ZNF701: variants seen among roughly 807,000 people sequenced by gnomAD.
The protein encoded by ZNF701 is zinc finger protein 701.
In ZNF701, 6 loss-of-function variants were observed where a neutral mutation model predicts 7.1. That is an observed-to-expected ratio of 0.84 (90% CI 0.46 to 1.66). The LOEUF is 1.66. ZNF701 is among the 40% of genes most tolerant of loss of function. The pLI is 0.01. For synonymous variants in ZNF701, 166 were observed against 188.2 expected, an observed-to-expected ratio of 0.88 and a Z score of 0.97; for missense variants, 541 against 559.2, an observed-to-expected ratio of 0.97 and a Z score of 0.33.
intron 3 of ZNF701, 89 bp from the exon 4 acceptor site, chr19:52,582,113 A>T (rs1237508719): frequency 8.5e-7 from 1 of 1,172,060 alleles, no homozygotes; most frequent in African/African-American, 1.6e-5. Context: ...GTTTAAAATA[A>T]GTATTGTTTT....
intron 1 of ZNF701, chr19:52,572,411 A>G: frequency 3.9e-6 from 5 of 1,281,376 alleles, no homozygotes; most frequent in Non-Finnish European, 5.1e-6. Context: ...TATAAATGTT[A>G]CTGTAATTTT....
At chr19:52,594,982 T>C in the ZNF701 span, among the ~76,000 whole-genome samples, 75 of 152,004 alleles carry the variant, frequency 4.9e-4, no homozygotes, top group African/African-American at 1.8e-3. Flanking sequence ...GGCTCTTGAC[T>C]GAACTCTTTT....
At chr19:52,587,500 G>C (rs1416388711), downstream of ZNF701, among the ~76,000 whole-genome samples, 1 of 152,108 alleles carries the variant, frequency 6.6e-6, no homozygotes. Flanking sequence ...CTAAGTCTTT[G>C]TTCTGATATT....
intron 2 of ZNF701, 102 bp downstream of exon 2, chr19:52,574,264 G>C: frequency 1.3e-6 from 2 of 1,540,786 alleles, no homozygotes; most frequent in Non-Finnish European, 1.8e-6. Flanking sequence ...CTGCCTGACA[G>C]GTTTGCTCAC....
At chr19:52,591,112 A>G (rs1286424220), downstream of ZNF701, among the ~76,000 whole-genome samples, 1 of 152,072 alleles carries the variant, frequency 6.6e-6, no homozygotes, top group Non-Finnish European at 1.5e-5. Flanking sequence ...TGCTGGGATT[A>G]TAGGTGTGAG....
In ZNF701 at chr19:52,583,790, C is replaced by T; in HGVS notation, c.*333C>T. ...CAATCCATGGTATAGGGAAACTTGA[C>T]TAATGTAATGATTGTCACAAAGTCT... On this transcript the variant is annotated 3_prime_UTR_variant, in exon 4 of 4. Coordinates refer to ENST00000391785, the MANE Select transcript of ZNF701 (RefSeq NM_018260.3). 10 of 622,074 alleles carry T rather than the reference C, an allele frequency of 1.6e-5. 1 individual carries two copies. The South Asian group carries it at 1.7e-4, about 11-fold the overall frequency. The allele number at this position is 622,074 out of a possible 1,614,324, so 38.5% of individuals were successfully genotyped here. A position where few individuals can be genotyped will look rare whatever the true frequency, so the allele number is the denominator to read the frequency against.
intron 3 of ZNF701, among the ~76,000 whole-genome samples, chr19:52,576,728 C>T (rs938634991): frequency 4.6e-5 from 7 of 152,042 alleles, no homozygotes; most frequent in African/African-American, 1.7e-4. Flanking sequence ...TTTCCTAGAT[C>T]CACCTGTAAT....
intron 3 of ZNF701, among the ~76,000 whole-genome samples, chr19:52,577,237 C>G (rs1265826907): frequency 6.6e-6 from 1 of 152,080 alleles, no homozygotes; most frequent in Non-Finnish European, 1.5e-5. Context: ...GTAGCTGGGA[C>G]TGTAGGCGCT....
At position 52,583,218 on chromosome 19, in the gene ZNF701, T is replaced by C. The variant is rs1316774406; in HGVS notation, c.1159T>C (p.Cys387Arg). Reference protein sequence around the residue: ...TGEKPYKCNECGKTFVQNSSL... With the variant: ...TGEKPYKCNERGKTFVQNSSL... ...AGAGAAACCTTACAAGTGTAATGAG[T>C]GTGGCAAGACCTTTGTTCAAAATTC... The change falls in exon 4 of 4, where the codon TGT becomes CGT. Residue 387 changes from cysteine to arginine, a missense_variant. By Grantham distance (180) the Cys-to-Arg change is radical (BLOSUM62 -3). Transcript: ENST00000391785. The C allele has an allele frequency of 2.5e-6, 4 of 1,610,384 alleles. No homozygotes were observed. Among genetic ancestry groups the C allele is most frequent in the Non-Finnish European group, 3.4e-6 (4 of 1,177,222 alleles).
At chr19:52,597,111 A>G in the ZNF701 span, 1 of 967,618 alleles carries the variant, frequency 1.0e-6, no homozygotes, top group Middle Eastern at 2.3e-4. Context: ...ATGTGGTAAA[A>G]TTTTCAGACA....
rs778058258 is a variant in ZNF701 at position 52,583,057 on chromosome 19, A to G, written c.998A>G (p.Lys333Arg). 4.3e-6 allele frequency: 7 copies of G among 1,613,840 alleles called. No homozygotes were observed. The highest frequency in any genetic ancestry group is 4.5e-5 in the East Asian group (2 of 44,858). Residue 333 changes from lysine (K) to arginine (R), a missense_variant, in exon 4 of 4, where the codon AAA (lysine) becomes AGA (arginine). Coordinates refer to ENST00000391785, the MANE Select transcript of ZNF701 (RefSeq NM_018260.3). The stretch of plus-strand genomic sequence containing the variant: ...CCTTACAAATGTGAAGAATGTGACA[A>G]AGTTTTCAGTCGCAAATCACACCTT... ...EKPYKCEECDKVFSRKSHLER... is the reference protein window; with the variant it reads ...EKPYKCEECDRVFSRKSHLER...
chr19:52,572,449 A>C, intron 1 of ZNF701: 4 of 1,243,516 alleles, frequency 3.2e-6, no homozygotes, highest in Non-Finnish European at 4.2e-6. Flanking sequence ...AATGTTGGGA[A>C]TCAGTGGCAT....
chr19:52,581,108 T>C (rs544769), intron 3 of ZNF701, among the ~76,000 whole-genome samples: 41,525 of 151,802 alleles, frequency 0.27, 6,760 homozygotes, highest in African/African-American at 0.46. Flanking sequence ...AGTGACAGAG[T>C]GAGACTCCAT....
In ZNF701 at chr19:52,577,722, G is replaced by T. The variant is rs191295345; in HGVS notation, c.142+1701G>T. On this transcript the variant is annotated intron_variant, in intron 3 of 3. Coordinates refer to ENST00000391785, the MANE Select transcript of ZNF701 (RefSeq NM_018260.3). ...GTTACTTAGCAGACCGCGAAAGGGG[G>T]TCTCCTTTCCTTGGAGGAGTCAGGG... Among the ~76,000 whole-genome samples, 64 of 152,128 alleles carry T rather than the reference G, an allele frequency of 4.2e-4. No homozygotes were observed. In the East Asian group the frequency reaches 0.011, roughly 25 times the overall value.
downstream of ZNF701, among the ~76,000 whole-genome samples, chr19:52,589,084 T>G (rs991744304): frequency 2.0e-5 from 3 of 152,222 alleles, no homozygotes; most frequent in Non-Finnish European, 4.4e-5. Context: ...CAAAACTGAT[T>G]ACTTCTTTTT....
chr19:52,591,961 C>A, downstream of ZNF701: 1 of 461,074 alleles, frequency 2.2e-6, no homozygotes, highest in Admixed American at 3.7e-5. Flanking sequence ...ACAGAAAAAA[C>A]TGTTCAAAAA....
chr19:52,583,686 C>G lies in ZNF701; in HGVS notation c.*229C>G. 1.1e-6 allele frequency: 1 copy of G among 918,880 alleles called. No individual in the cohort carries two copies. The highest frequency in any genetic ancestry group is 1.8e-5 in the Admixed American group (1 of 56,528). The allele number at this position is 918,880 out of a possible 1,614,324, so 56.9% of individuals were successfully genotyped here. On this transcript the variant is annotated 3_prime_UTR_variant, in exon 4 of 4. Transcript: ENST00000391785. ...ACACCTGGCCCAACATACTGGAATTCACACTGGAAAGGAACTGTACAAGTG... is the reference window on the plus strand; with the variant it reads ...ACACCTGGCCCAACATACTGGAATTGACACTGGAAAGGAACTGTACAAGTG...
chr19:52,583,268 T>A lies in ZNF701; in HGVS notation c.1209T>A (p.Ile403=), dbSNP rs1373125780. ...CATCTCTTGTAATGCATAAGGTCAT[T>A]CATACTGGAGAGAAACGTTACAAGT... ...QNSSLVMHKV[I]HTGEKRYKCN... The change falls in exon 4 of 4, where the codon ATT becomes ATA. Residue 403 remains isoleucine, a synonymous_variant. Transcript: ENST00000391785. 1 of 1,609,946 alleles carries A rather than the reference T, an allele frequency of 6.2e-7. No individual in the cohort carries two copies. Among genetic ancestry groups the A allele is most frequent in the Non-Finnish European group, 8.5e-7 (1 of 1,176,932 alleles).
chr19:52,577,122 A>C (rs2059939845), intron 3 of ZNF701, among the ~76,000 whole-genome samples: 1 of 152,084 alleles, frequency 6.6e-6, no homozygotes, highest in African/African-American at 2.4e-5. Flanking sequence ...TATTTTATGA[A>C]AGAGTCTCAC....
Sources: allele counts gnomAD v4.1 joint callset (sites outside exome capture counted in the v4.1 genomes callset), GRCh38; gene constraint gnomAD v4.1.1; transcripts MANE v1.5; gene names NCBI Gene and HGNC (gene_info 2026-07-23, HGNC 2026-07-21).